The following WWOX variants were observed in gnomAD, a reference collection of about 807,000 sequenced individuals.
The protein encoded by WWOX is WW domain containing oxidoreductase, also known as WW domain-containing oxidoreductase.
In WWOX, 69 loss-of-function variants were observed where a neutral mutation model predicts 46.2. The observed-to-expected ratio is 1.49, with a 90% CI of 1.23 to 1.82. The LOEUF is 1.82. Among genes scored for constraint, WWOX ranks in the 40% most tolerant of loss-of-function variants. The pLI, the probability that WWOX is intolerant of heterozygous loss-of-function variation, is 0.00. For synonymous variants in WWOX, 359 were observed against 202.6 expected (o/e 1.77, Z -6.56); for missense variants, 919 against 542.6 (o/e 1.69, Z -6.89).
At chr16:78,703,064 G>C (rs1349754772) in intron 8 of WWOX, among the ~76,000 whole-genome samples, 1 of 152,130 alleles carries the variant, frequency 6.6e-6, no homozygotes, top group African/African-American at 2.4e-5. Flanking sequence ...GATCAGAGAA[G>C]GCTCCTCCGA....
chr16:78,664,690 A>G (rs1469060479), intron 8 of WWOX, among the ~76,000 whole-genome samples: 2 of 152,366 alleles, frequency 1.3e-5, no homozygotes, highest in Admixed American at 6.5e-5. Context: ...AACGGCCAGC[A>G]GAGTAGAAAC....
intron 8 of WWOX, among the ~76,000 whole-genome samples, chr16:78,988,859 C>G (rs960605042): frequency 3.3e-5 from 5 of 152,138 alleles, no homozygotes; most frequent in African/African-American, 4.8e-5. Flanking sequence ...GCTGCGAGCC[C>G]CAATCGATCA....
chr16:78,164,855 G>T (rs1175560418), intron 5 of WWOX, among the ~76,000 whole-genome samples: 1 of 152,174 alleles, frequency 6.6e-6, no homozygotes, highest in Admixed American at 6.5e-5. Flanking sequence ...AGTAAATAAA[G>T]GACTGTAAAG....
At chr16:78,612,975 C>T (rs924279993) in intron 8 of WWOX, among the ~76,000 whole-genome samples, 2 of 152,178 alleles carry the variant, frequency 1.3e-5, no homozygotes, top group African/African-American at 4.8e-5. Flanking sequence ...GCCTTTCACC[C>T]TACCTGTGGA....
At chr16:78,794,181 T>A (rs2050680082) in intron 8 of WWOX, among the ~76,000 whole-genome samples, 1 of 152,282 alleles carries the variant, frequency 6.6e-6, no homozygotes, top group African/African-American at 2.4e-5. Context: ...GCCTTGCTTC[T>A]TCCACCATGT....
At chr16:78,611,377 A>G (rs2045896462) in intron 8 of WWOX, among the ~76,000 whole-genome samples, 2 of 152,218 alleles carry the variant, frequency 1.3e-5, no homozygotes, top group Non-Finnish European at 2.9e-5. Flanking sequence ...GCTGGGGGCC[A>G]AGGAGATTAC....
intron 8 of WWOX, among the ~76,000 whole-genome samples, chr16:79,152,812 G>C (rs2050307275): frequency 6.6e-6 from 1 of 152,216 alleles, no homozygotes; most frequent in Admixed American, 6.5e-5. Flanking sequence ...TGTCAGGTGG[G>C]CCAGCACTGG....
chr16:78,164,109 C>T lies in WWOX; in HGVS notation c.410-74C>T, dbSNP rs530659789. The T allele has an allele frequency of 2.3e-4, 314 of 1,365,100 alleles. 2 individuals are homozygous for T. In the South Asian group the frequency reaches 2.4e-3, roughly 11 times the overall value. The allele number at this position is 1,365,100 out of a possible 1,614,324, so 84.6% of individuals were successfully genotyped here. On this transcript the variant is annotated intron_variant, in intron 4 of 8. Coordinates refer to ENST00000566780, the MANE Select transcript of WWOX (RefSeq NM_016373.4). ...ACTTGGGGTAATTTAAGTGGTGCTC[C>T]GGTAAAGGCCATTCAACATGACTCA... is the stretch of plus-strand genomic sequence containing the variant.
chr16:78,706,739 G>A lies in WWOX; in HGVS notation c.1056+273987G>A, dbSNP rs1387595334. Among the ~76,000 whole-genome samples the A allele has an allele frequency of 2.6e-5, 4 of 152,138 alleles. No individual in the cohort carries two copies. In the South Asian group the frequency reaches 6.2e-4, roughly 24 times the overall value. Reference sequence around the variant, plus strand: ...ACCTGTGGGTACACATGGTACTGACGCAATTGGCACCTCAGATGGTTCTTC... The same window carrying A: ...ACCTGTGGGTACACATGGTACTGACACAATTGGCACCTCAGATGGTTCTTC... On this transcript the variant is annotated intron_variant, in intron 8 of 8. Coordinates refer to ENST00000566780, the MANE Select transcript of WWOX (RefSeq NM_016373.4).
At chr16:78,235,929 C>G (rs2037422488) in intron 5 of WWOX, among the ~76,000 whole-genome samples, 2 of 152,210 alleles carry the variant, frequency 1.3e-5, no homozygotes, top group African/African-American at 4.8e-5. Context: ...GCCTTTTTCT[C>G]TAAAGGGCTG....
At chr16:78,214,155 C>T (rs1030330705) in intron 5 of WWOX, among the ~76,000 whole-genome samples, 1 of 152,138 alleles carries the variant, frequency 6.6e-6, no homozygotes, top group Admixed American at 6.5e-5. Context: ...GACTGACCCC[C>T]TGGACCCTCA....
rs997302161 is a variant in WWOX at position 78,585,969 on chromosome 16, C to T, written c.1056+153217C>T. Among the ~76,000 whole-genome samples the T allele has an allele frequency of 5.9e-5, 9 of 151,922 alleles. 1 individual carries two copies. The highest frequency in any genetic ancestry group is 1.9e-4 in the East Asian group (1 of 5,166). On this transcript the variant is annotated intron_variant, in intron 8 of 8. Coordinates refer to ENST00000566780, the MANE Select transcript of WWOX (RefSeq NM_016373.4). ...CCCAGCAGTTTTGGAGGCCGAGACT[C>T]GGGGATCCCTTGAGCCCAGGAGGTT...
chr16:78,566,698 G>C (rs1025338955), intron 8 of WWOX, among the ~76,000 whole-genome samples: 1 of 152,122 alleles, frequency 6.6e-6, no homozygotes, highest in Non-Finnish European at 1.5e-5. Context: ...TCAGGAGATT[G>C]GAAATTTTAG....
chr16:79,114,374 G>T (rs2049471798), intron 8 of WWOX, among the ~76,000 whole-genome samples: 2 of 107,902 alleles, frequency 1.9e-5, no homozygotes, highest in African/African-American at 8.1e-5. Flanking sequence ...ACACACGTGT[G>T]TGCACACATA....
chr16:78,258,782 A>C (rs533458501), intron 5 of WWOX, among the ~76,000 whole-genome samples: 2 of 151,214 alleles, frequency 1.3e-5, no homozygotes, highest in African/African-American at 4.9e-5. Flanking sequence ...TACTTTAAGT[A>C]CTCCTCATAT....
intron 5 of WWOX, among the ~76,000 whole-genome samples, chr16:78,195,539 GA>G (rs1249658813): frequency 6.6e-6 from 1 of 150,678 alleles, no homozygotes; most frequent in Non-Finnish European, 1.5e-5. Context: ...TAAGTGCTAA[GA>G]AAAAAAAAGA....
chr16:78,832,867 C>G (rs186236733), intron 8 of WWOX, among the ~76,000 whole-genome samples: 7 of 152,214 alleles, frequency 4.6e-5, no homozygotes, highest in Admixed American at 4.6e-4. Context: ...ATTATTTCAC[C>G]AGTGACTTTT....
At chr16:79,035,716 T>A (rs2047852960) in intron 8 of WWOX, among the ~76,000 whole-genome samples, 1 of 152,014 alleles carries the variant, frequency 6.6e-6, no homozygotes, top group Admixed American at 6.6e-5. Context: ...TGTTTGTATT[T>A]TTAGTAGGGA....
intron 8 of WWOX, among the ~76,000 whole-genome samples, chr16:78,855,717 G>A (rs1597726524): frequency 6.6e-6 from 1 of 152,174 alleles, no homozygotes; most frequent in Non-Finnish European, 1.5e-5. Flanking sequence ...TATTGGTTGG[G>A]GTGGAGAGAG....
Sources: allele counts gnomAD v4.1 joint callset (sites outside exome capture counted in the v4.1 genomes callset), GRCh38; gene constraint gnomAD v4.1.1; transcripts MANE v1.5; gene names NCBI Gene and HGNC (gene_info 2026-07-23, HGNC 2026-07-21).